The following MYOM2 variants were observed in gnomAD, a reference collection of about 807,000 sequenced individuals.
MYOM2 encodes the protein myomesin-2.
Under a neutral mutation model 187.6 loss-of-function variants are expected in MYOM2, and 254 were observed. That is an observed-to-expected ratio of 1.35 (90% CI 1.22 to 1.50). The LOEUF is 1.50. MYOM2 is among the 40% of genes most tolerant of loss of function. The pLI, the probability that MYOM2 is intolerant of heterozygous loss-of-function variation, is 0.00. For synonymous variants in MYOM2, 981 were observed against 753.8 expected (o/e 1.30, Z -4.94); for missense variants, 2,796 against 1,924.0 (o/e 1.45, Z -8.48).
At chr8:2,092,644 A>G (rs1339720841) in intron 16 of MYOM2, 124 bp downstream of exon 16, 1 of 1,005,614 alleles carries the variant, frequency 9.9e-7, no homozygotes. Context: ...AGTCTGTCTT[A>G]GCCACACACA....
intron 16 of MYOM2, among the ~76,000 whole-genome samples, chr8:2,093,051 G>T (rs1325001222): frequency 6.6e-6 from 1 of 152,160 alleles, no homozygotes; most frequent in Admixed American, 6.5e-5. Flanking sequence ...GCTGCCTGCT[G>T]AGTGTGCAGG....
At chr8:2,132,983 G>T (rs35668607) in intron 32 of MYOM2, among the ~76,000 whole-genome samples, 21,076 of 151,984 alleles carry the variant, frequency 0.14, 2,570 homozygotes, top group African/African-American at 0.31. Context: ...GGGCGGTGAC[G>T]GGACGTTCCC....
At chr8:2,063,465 G>C (rs963424780) in intron 6 of MYOM2, among the ~76,000 whole-genome samples, 3 of 152,170 alleles carry the variant, frequency 2.0e-5, no homozygotes, top group African/African-American at 7.2e-5. Flanking sequence ...TTTCCCATGG[G>C]ACTCATGATG....
At chr8:2,141,881 G>C (rs1184574911) in intron 34 of MYOM2, among the ~76,000 whole-genome samples, 1 of 152,174 alleles carries the variant, frequency 6.6e-6, no homozygotes, top group Non-Finnish European at 1.5e-5. Context: ...ATCACACACA[G>C]CAACTTTTTA....
chr8:2,101,679 G>A (rs1396720988), intron 20 of MYOM2, among the ~76,000 whole-genome samples: 3 of 152,078 alleles, frequency 2.0e-5, no homozygotes, highest in Non-Finnish European at 4.4e-5. Flanking sequence ...GCTGTTAATT[G>A]TCTGTTCATG....
chr8:2,103,763 G>A (rs1022877547), intron 21 of MYOM2, among the ~76,000 whole-genome samples: 1 of 150,932 alleles, frequency 6.6e-6, no homozygotes, highest in Non-Finnish European at 1.5e-5. Flanking sequence ...GAGTGGGAGA[G>A]CATGCATGTG....
intron 32 of MYOM2, among the ~76,000 whole-genome samples, chr8:2,130,813 G>T (rs901549717): frequency 2.0e-5 from 3 of 152,294 alleles, no homozygotes; most frequent in African/African-American, 7.2e-5. Context: ...TAGAACTCTG[G>T]TGAGTTTTGT....
intron 32 of MYOM2, among the ~76,000 whole-genome samples, chr8:2,133,489 G>A (rs1400921689): frequency 6.6e-6 from 1 of 152,128 alleles, no homozygotes; most frequent in Non-Finnish European, 1.5e-5. Flanking sequence ...GAGTCGGAGT[G>A]TTGCTCTGTC....
At chr8:2,120,459 G>C (rs998059664) in intron 28 of MYOM2, among the ~76,000 whole-genome samples, 5 of 151,022 alleles carry the variant, frequency 3.3e-5, no homozygotes, top group Non-Finnish European at 5.9e-5. Context: ...CTGTGGAGCA[G>C]AGGTCTGCAG....
At position 2,069,353 on chromosome 8, in the gene MYOM2, G is replaced by C. The variant is rs770679429; in HGVS notation, c.729G>C (p.Ala243=). The C allele has an allele frequency of 2.5e-6, 4 of 1,613,990 alleles. No individual in the cohort carries two copies. In the Admixed American group the frequency reaches 6.7e-5, roughly 27 times the overall value. The change falls in exon 7 of 37, where the codon GCG becomes GCC. Residue 243 remains alanine (A), a synonymous_variant. Coordinates refer to ENST00000262113, the MANE Select transcript of MYOM2 (RefSeq NM_003970.4). ...NAHGQVSTNA[A]VVVRRFRGDE... Reference sequence around the variant, plus strand: ...ACGGACAAGTGTCCACCAACGCGGCGGTGGTGGTGAGAAGTGAGTGCCGGG... The same window carrying C: ...ACGGACAAGTGTCCACCAACGCGGCCGTGGTGGTGAGAAGTGAGTGCCGGG...
At chr8:2,086,801 G>A (rs561695797) in intron 14 of MYOM2, among the ~76,000 whole-genome samples, 39 of 152,314 alleles carry the variant, frequency 2.6e-4, no homozygotes, top group Middle Eastern at 3.4e-3. Flanking sequence ...CATTCCAGGC[G>A]CCTACATGCT....
At chr8:2,064,929 A>G (rs1047963286) in intron 6 of MYOM2, among the ~76,000 whole-genome samples, 3 of 152,226 alleles carry the variant, frequency 2.0e-5, no homozygotes, top group Admixed American at 2.0e-4. Context: ...AGACTTAGAA[A>G]TTGTGTTGCT....
intron 3 of MYOM2, 34 bp from the exon 4 acceptor site, chr8:2,057,314 T>C (rs1394514914): frequency 3.8e-6 from 6 of 1,580,042 alleles, no homozygotes; most frequent in Middle Eastern, 2.1e-4. Context: ...TCTTCGTGAC[T>C]CCTGCAACTG....
At chr8:2,054,668 G>C (rs1366483937) in intron 3 of MYOM2, among the ~76,000 whole-genome samples, 2 of 152,196 alleles carry the variant, frequency 1.3e-5, no homozygotes, top group Admixed American at 1.3e-4. Flanking sequence ...CAAACATAAA[G>C]AGCCCATAGA....
In MYOM2 at chr8:2,054,521, G is replaced by A. The variant is rs1033573698; in HGVS notation, c.263+2208G>A. On this transcript the variant is annotated intron_variant, in intron 3 of 36. Transcript: ENST00000262113. ...AGTGACGGTCAACTGATCATCAGCC[G>A]GCAGAAATATTTCCTCAATGTCCTG... Among the ~76,000 whole-genome samples the A allele has an allele frequency of 5.9e-5, 9 of 152,168 alleles. No homozygotes were observed. In the East Asian group the frequency reaches 7.7e-4, roughly 13 times the overall value.
At position 2,100,939 on chromosome 8, in the gene MYOM2, C is replaced by T. The variant is rs191644656; in HGVS notation, c.2504C>T (p.Ala835Val). 627 of 1,614,176 alleles carry T rather than the reference C, an allele frequency of 3.9e-4. No individual in the cohort carries two copies. The highest frequency in any genetic ancestry group is 4.7e-4 in the Non-Finnish European group (560 of 1,180,040). ...ACGTCCTTGGTCATGCTGTGGAAGG[C>T]CCCTGTGTACTCCGGCAGCAGCCCT... ...RDTSLVMLWK[A>V]PVYSGSSPVS... is the part of the protein sequence containing the mutation. The change falls in exon 20 of 37, where the codon GCC becomes GTC. Residue 835 changes from alanine (A) to valine (V), a missense_variant. Physicochemically the swap from Ala to Val is moderately conservative, Grantham distance 64. Coordinates refer to ENST00000262113, the MANE Select transcript of MYOM2 (RefSeq NM_003970.4).
chr8:2,052,676 C>T (rs935622245), intron 3 of MYOM2, among the ~76,000 whole-genome samples: 1 of 152,228 alleles, frequency 6.6e-6, no homozygotes, highest in Non-Finnish European at 1.5e-5. Flanking sequence ...CCTTTCCAGA[C>T]AGAGCAGGAT....
intron 32 of MYOM2, among the ~76,000 whole-genome samples, chr8:2,138,508 T>G (rs1163031731): frequency 6.6e-6 from 1 of 152,158 alleles, no homozygotes; most frequent in Non-Finnish European, 1.5e-5. Context: ...AGGGGCAGAT[T>G]ATGGGAAAAG....
chr8:2,083,913 G>C (rs1232491325), intron 13 of MYOM2, among the ~76,000 whole-genome samples: 2 of 152,216 alleles, frequency 1.3e-5, no homozygotes, highest in East Asian at 1.9e-4. Flanking sequence ...GGGGCCTTTT[G>C]CTACATGCAG....
Sources: gnomAD v4.1 joint callset for allele counts (sites outside exome capture counted in the v4.1 genomes callset) on GRCh38, gnomAD v4.1.1 for gene constraint, MANE v1.5 for transcripts, NCBI Gene and HGNC (gene_info 2026-07-23, HGNC 2026-07-21) for gene names.